Variants in FAT4 observed in about 807,000 individuals in gnomAD.
The protein encoded by FAT4 is protocadherin Fat 4.
FAT4 carries 84 observed loss-of-function variants against 303.9 expected under a neutral mutation model. The ratio of observed to expected loss-of-function variants is 0.28; its 90% CI spans 0.23 to 0.33. The LOEUF (loss-of-function observed/expected upper bound fraction) is 0.33, where lower values mean the gene tolerates loss of function less well. Ranked by LOEUF, FAT4 falls within the 10% of genes least tolerant of loss-of-function variation. The pLI is 1.00. For missense variants in FAT4, 6,005 were observed against 6,146.8 expected, an observed-to-expected ratio of 0.98 and a Z score of 0.77; for synonymous variants, 2,307 against 2,298.8, an observed-to-expected ratio of 1.00 and a Z score of -0.10.
chr4:125,448,357 A>G (rs562675139), intron 9 of FAT4, 104 bp from the exon 10 acceptor site: 2 of 1,032,692 alleles, frequency 1.9e-6, no homozygotes, highest in South Asian at 3.3e-5. Flanking sequence ...TGAGAAAATA[A>G]GGTCACATCA....
chr4:125,328,907 T>TA (rs1203774733), intron 2 of FAT4, among the ~76,000 whole-genome samples: 1 of 152,232 alleles, frequency 6.6e-6, no homozygotes, highest in African/African-American at 2.4e-5. Flanking sequence ...TTCTATACAT[T>TA]TGTAGACATA....
intron 2 of FAT4, among the ~76,000 whole-genome samples, chr4:125,335,115 TG>T (rs1731519716): frequency 6.6e-6 from 1 of 152,102 alleles, no homozygotes; most frequent in Non-Finnish European, 1.5e-5. Flanking sequence ...AAGACAGCTT[TG>T]GATGGGAGGG....
intron 2 of FAT4, among the ~76,000 whole-genome samples, chr4:125,358,022 C>G (rs990515743): frequency 2.0e-5 from 3 of 151,976 alleles, no homozygotes; most frequent in Admixed American, 2.0e-4. Context: ...TAAGCCAGAC[C>G]AGAATTCTTT....
chr4:125,403,009 C>A lies in FAT4; in HGVS notation c.5308-3871C>A, dbSNP rs370617660. On this transcript the variant is annotated intron_variant, in intron 3 of 17. Transcript: ENST00000394329. ...ACTGTATTTTCCCATGGATATATGG[C>A]AACTCTAGTTATATTTTGATTTAAA... Among the ~76,000 whole-genome samples the A allele has an allele frequency of 3.7e-4, 56 of 152,010 alleles. No homozygotes were observed. The East Asian group carries it at 7.2e-3, about 19-fold the overall frequency.
At chr4:125,472,801 A>G (rs1726908154) in intron 12 of FAT4, among the ~76,000 whole-genome samples, 1 of 152,192 alleles carries the variant, frequency 6.6e-6, no homozygotes, top group Non-Finnish European at 1.5e-5. Flanking sequence ...TTGTGTCAAC[A>G]TGGTCAAGGG....
intron 2 of FAT4, among the ~76,000 whole-genome samples, chr4:125,335,683 G>A (rs1391001296): frequency 1.3e-5 from 2 of 150,894 alleles, no homozygotes; most frequent in African/African-American, 4.9e-5. Context: ...TTTTTCTGGA[G>A]GAGTTCTATT....
chr4:125,417,706 G>C (rs1735128586), intron 7 of FAT4, among the ~76,000 whole-genome samples: 1 of 152,112 alleles, frequency 6.6e-6, no homozygotes, highest in African/African-American at 2.4e-5. Context: ...ATGAGTTTCA[G>C]TGACATTAGT....
At chr4:125,326,430 C>G (rs1414430755) in intron 2 of FAT4, among the ~76,000 whole-genome samples, 2 of 151,922 alleles carry the variant, frequency 1.3e-5, no homozygotes, top group African/African-American at 4.8e-5. Flanking sequence ...TATGTTTAGA[C>G]ATAATGATAA....
Position 125,489,912 on chromosome 4 carries a change from G to T in FAT4, c.13096G>T (p.Gly4366Cys). 1 of 1,226,206 alleles carries T rather than the reference G, an allele frequency of 8.2e-7. No individual in the cohort carries two copies. Among genetic ancestry groups the T allele is most frequent in the South Asian group, 1.4e-5 (1 of 73,732 alleles). The allele number at this position is 1,226,206 out of a possible 1,614,324, so 76.0% of individuals were successfully genotyped here. ...HRDAQTAGFD[G>C]CIASMWYGGE... ...TCTTCTTCTCCCAGCAGGTTTTGAT[G>T]GCTGCATTGCTTCTATGTGGTATGG... The change falls in exon 18 of 18, where the codon GGC becomes TGC. Residue 4366 changes from glycine to cysteine, a missense_variant. Physicochemically the swap from Gly to Cys is radical, Grantham distance 159. Coordinates refer to ENST00000394329, the MANE Select transcript of FAT4 (RefSeq NM_001291303.3).
chr4:125,454,317 C>T (rs1315584538), intron 10 of FAT4, among the ~76,000 whole-genome samples: 1 of 152,158 alleles, frequency 6.6e-6, no homozygotes, highest in African/African-American at 2.4e-5. Flanking sequence ...ACAGAACATG[C>T]AGTCTTTGCC....
At chr4:125,463,717 C>G (rs149175031) in intron 11 of FAT4, 50 bp downstream of exon 11, 1 of 1,301,142 alleles carries the variant, frequency 7.7e-7, no homozygotes, top group Non-Finnish European at 1.1e-6. Context: ...TTTTTGCACA[C>G]AGTTTAGCAA....
At chr4:125,340,054 A>T (rs1310732815) in intron 2 of FAT4, among the ~76,000 whole-genome samples, 1 of 152,138 alleles carries the variant, frequency 6.6e-6, no homozygotes, top group Non-Finnish European at 1.5e-5. Flanking sequence ...TGAATATAGA[A>T]AATATTCTTT....
intron 2 of FAT4, among the ~76,000 whole-genome samples, chr4:125,392,010 T>C (rs1234045916): frequency 6.6e-6 from 1 of 152,140 alleles, no homozygotes; most frequent in Non-Finnish European, 1.5e-5. Context: ...TTATTGCTCT[T>C]GGAATCTCAG....
Position 125,491,071 on chromosome 4 carries a change from G to A in FAT4, c.14255G>A (p.Gly4752Glu), listed in dbSNP as rs1372630702. The change falls in exon 18 of 18, where the codon GGA becomes GAA. Residue 4752 changes from glycine to glutamate, a missense_variant. Gly to Glu is a moderately conservative substitution (Grantham distance 98). Transcript: ENST00000394329. ...PGIFNYATRL[G>E]RRSKSPQAMA... ...ATTTTCAACTATGCCACAAGGCTGG[G>A]AAGGAGAAGCAAGAGTCCTCAGGCC... 1.2e-6 allele frequency: 2 copies of A among 1,614,086 alleles called. No individual in the cohort carries two copies. Among genetic ancestry groups the A allele is most frequent in the Non-Finnish European group, 1.7e-6 (2 of 1,180,052 alleles).
chr4:125,486,846 A>T (rs1239420326), intron 16 of FAT4, among the ~76,000 whole-genome samples: 3 of 152,216 alleles, frequency 2.0e-5, no homozygotes, highest in Admixed American at 6.5e-5. Context: ...ATTTGTGTGT[A>T]AAAGATGAGA....
At chr4:125,400,997 C>CA (rs1734367455) in intron 3 of FAT4, among the ~76,000 whole-genome samples, 1 of 151,670 alleles carries the variant, frequency 6.6e-6, no homozygotes, top group Admixed American at 6.6e-5. Context: ...TCTTATAACT[C>CA]GATTTGTTTG....
chr4:125,353,120 G>T (rs927203509), intron 2 of FAT4, among the ~76,000 whole-genome samples: 3 of 151,644 alleles, frequency 2.0e-5, no homozygotes, highest in Non-Finnish European at 3.0e-5. Flanking sequence ...TACTAATAAA[G>T]ATTTTATGTG....
At position 125,317,656 on chromosome 4, in the gene FAT4, G is replaced by T. The variant is rs1578512903; in HGVS notation, c.1245G>T (p.Pro415=). The T allele has an allele frequency of 6.2e-7, 1 of 1,614,058 alleles. No individual in the cohort carries two copies. Among genetic ancestry groups the T allele is most frequent in the East Asian group, 2.2e-5 (1 of 44,866 alleles). Reference sequence around the variant, plus strand: ...TTGAAGTGCAAAGCAGCAAAGTGCCGAACCTGAGCCTAATCAAGGTGGCCA... The same window carrying T: ...TTGAAGTGCAAAGCAGCAAAGTGCCTAACCTGAGCCTAATCAAGGTGGCCA... ...RHFEVQSSKV[P]NLSLIKVASA... The change falls in exon 2 of 18, where the codon CCG becomes CCT. Residue 415 remains proline (P), a synonymous_variant. Transcript: ENST00000394329. The surrounding 1 kb of genome is among the most constrained non-coding windows in gnomAD (Gnocchi z 7.0).
chr4:125,446,211 A>G, intron 8 of FAT4, 82 bp from the exon 9 acceptor site: 2 of 1,185,972 alleles, frequency 1.7e-6, no homozygotes, highest in Non-Finnish European at 2.4e-6. Flanking sequence ...TTGCATTTCT[A>G]CCTCAGTTTT....
Sources: gnomAD v4.1 joint callset for allele counts (sites outside exome capture counted in the v4.1 genomes callset) on GRCh38, gnomAD v4.1.1 for gene constraint, Gnocchi (gnomAD v3.1) non-coding constraint, MANE v1.5 for transcripts, NCBI Gene and HGNC (gene_info 2026-07-23, HGNC 2026-07-21) for gene names.